The following NTPCR variants were observed in gnomAD, a reference collection of about 807,000 sequenced individuals.
NTPCR encodes the protein cancer-related nucleoside-triphosphatase.
Under a neutral mutation model 19.5 loss-of-function variants are expected in NTPCR, and 15 were observed. That is an observed-to-expected ratio of 0.77 (90% CI 0.51 to 1.18). NTPCR has a LOEUF of 1.18. Among genes scored for constraint, NTPCR ranks in the 50% most tolerant of loss-of-function variants. NTPCR has a pLI of 0.00. For synonymous variants in NTPCR, 90 were observed against 95.8 expected (o/e 0.94, Z 0.36); for missense variants, 206 against 240.4 (o/e 0.86, Z 0.95).
Position 232,982,869 on chromosome 1 carries a change from G to A in NTPCR, c.*4638G>A, listed in dbSNP as rs1669319619. 1 of 152,194 alleles carries A rather than the reference G, an allele frequency of 6.6e-6. No individual in the cohort carries two copies. The highest frequency in any genetic ancestry group is 1.5e-5 in the Non-Finnish European group (1 of 68,036). 9.4% of individuals were successfully genotyped at this position (152,194 alleles called of 1,614,324 possible). A position where few individuals can be genotyped will look rare whatever the true frequency, so the allele number is the denominator to read the frequency against. ...GCTTGGCTGTAAAGTTGCCCAAGAG[G>A]ATTACAGGAGCTGCCAGCCAAGTTT... On this transcript the variant is annotated 3_prime_UTR_variant, in exon 5 of 5. Transcript: ENST00000366628.
At chr1:232,971,208 C>G (rs1668966241) in intron 4 of NTPCR, among the ~76,000 whole-genome samples, 1 of 152,154 alleles carries the variant, frequency 6.6e-6, no homozygotes, top group Non-Finnish European at 1.5e-5. Context: ...TAGCTGTGCT[C>G]TTGGCTGAGC....
chr1:232,962,850 C>A (rs1280073796), intron 3 of NTPCR: 1 of 152,190 alleles, frequency 6.6e-6, no homozygotes, highest in Non-Finnish European at 1.5e-5. Context: ...TTTGGAAAAT[C>A]TTAGAAACTT....
intron 4 of NTPCR, among the ~76,000 whole-genome samples, chr1:232,975,079 A>G (rs1253191797): frequency 6.6e-6 from 1 of 152,232 alleles, no homozygotes; most frequent in Non-Finnish European, 1.5e-5. Flanking sequence ...CATAACATTG[A>G]AAATGTTATC....
In NTPCR at chr1:232,983,072, A is replaced by G. The variant is rs1669323089; in HGVS notation, c.*4841A>G. 2 of 150,486 alleles carry G rather than the reference A, an allele frequency of 1.3e-5. No homozygotes were observed. Among genetic ancestry groups the G allele is most frequent in the Admixed American group, 1.3e-4 (2 of 15,026 alleles). 9.3% of individuals were successfully genotyped at this position (150,486 alleles called of 1,614,324 possible). A position where few individuals can be genotyped will look rare whatever the true frequency, so the allele number is the denominator to read the frequency against. On this transcript the variant is annotated 3_prime_UTR_variant, in exon 5 of 5. Transcript: ENST00000366628. The stretch of plus-strand genomic sequence containing the variant: ...ATTAATTGCTGATTCTTAGTTTACA[A>G]AAAAAAAAATTAGAAAAGCATTACC...
Position 232,953,693 on chromosome 1 carries a change from C to G in NTPCR, c.35-1864C>G, listed in dbSNP as rs1186072112. Among the ~76,000 whole-genome samples, 4 of 151,730 alleles carry G rather than the reference C, an allele frequency of 2.6e-5. No individual in the cohort carries two copies. The South Asian group carries it at 6.2e-4, about 24-fold the overall frequency. ...GAAATCAACATTGTAAATCTTTGTT[C>G]TGTATTCTTCTTGACATTTTTTTTT... On this transcript the variant is annotated intron_variant, in intron 1 of 4. Transcript: ENST00000366628.
intron 4 of NTPCR, chr1:232,976,658 C>A: frequency 7.5e-7 from 1 of 1,330,764 alleles, no homozygotes; most frequent in Non-Finnish European, 9.9e-7. Flanking sequence ...CACAGCCGCC[C>A]AGGATTGACG....
At chr1:232,975,767 A>G (rs1287104522) in intron 4 of NTPCR, among the ~76,000 whole-genome samples, 4 of 152,204 alleles carry the variant, frequency 2.6e-5, no homozygotes, top group Non-Finnish European at 5.9e-5. Flanking sequence ...CCAGTGCAGA[A>G]AAAAAGAATG....
chr1:232,983,621 G>A lies in NTPCR; in HGVS notation c.*5390G>A, dbSNP rs1371660835. 1 of 152,126 alleles carries A rather than the reference G, an allele frequency of 6.6e-6. No individual in the cohort carries two copies. The highest frequency in any genetic ancestry group is 6.5e-5 in the Admixed American group (1 of 15,270). 9.4% of individuals were successfully genotyped at this position (152,126 alleles called of 1,614,324 possible). On this transcript the variant is annotated 3_prime_UTR_variant, in exon 5 of 5. Coordinates refer to ENST00000366628, the MANE Select transcript of NTPCR (RefSeq NM_032324.3). Reference sequence around the variant, plus strand: ...CGCGGTGGATTTCCATGCACCGAATGGACTCAGTTTCTAAACTCACATCCT... The same window carrying A: ...CGCGGTGGATTTCCATGCACCGAATAGACTCAGTTTCTAAACTCACATCCT...
At chr1:232,960,830 T>C (rs904593484) in intron 3 of NTPCR, among the ~76,000 whole-genome samples, 1 of 152,178 alleles carries the variant, frequency 6.6e-6, no homozygotes, top group Non-Finnish European at 1.5e-5. Context: ...ACATTTGTTA[T>C]TTTCCTGAGT....
At position 232,955,530 on chromosome 1, in the gene NTPCR, C is replaced by CTT. The variant is rs55951151; in HGVS notation, c.35-9_35-8dup. 8,235 of 1,347,220 alleles carry CTT rather than the reference C, an allele frequency of 6.1e-3. 23 individuals carry two copies. Among genetic ancestry groups the CTT allele is most frequent in the African/African-American group, 0.015 (924 of 60,822 alleles). The allele number at this position is 1,347,220 out of a possible 1,614,324, so 83.5% of individuals were successfully genotyped here. ...GAATGTTTCCTAATGGGCTTTTCTTCTTTTTTTTTTTTTTTTTTTATTTTA... is the reference window on the plus strand; with the variant it reads ...GAATGTTTCCTAATGGGCTTTTCTTCTTTTTTTTTTTTTTTTTTTTTATTTTA... On this transcript the variant is annotated intron_variant, in intron 1 of 4. Transcript: ENST00000366628.
intron 1 of NTPCR, chr1:232,951,195 T>C (rs1425583695): frequency 6.4e-6 from 1 of 155,136 alleles, no homozygotes; most frequent in African/African-American, 2.4e-5. Context: ...TAAATTTTAG[T>C]TGGAGGACAG....
chr1:232,960,826 G>C (rs1434296717), intron 3 of NTPCR, among the ~76,000 whole-genome samples: 1 of 151,978 alleles, frequency 6.6e-6, no homozygotes, highest in Non-Finnish European at 1.5e-5. Context: ...GTCAACATTT[G>C]TTATTTTCCT....
chr1:232,974,076 G>T (rs1055370252), intron 4 of NTPCR, among the ~76,000 whole-genome samples: 2 of 152,174 alleles, frequency 1.3e-5, no homozygotes, highest in African/African-American at 4.8e-5. Flanking sequence ...ACCCCAAGAG[G>T]ATAAACTCAA....
At chr1:232,976,484 C>A (rs1232588512) in intron 4 of NTPCR, 1 of 1,546,036 alleles carries the variant, frequency 6.5e-7, no homozygotes, top group Non-Finnish European at 8.7e-7. Flanking sequence ...GTGGTGCCCA[C>A]CTCTGTGTCG....
intron 4 of NTPCR, 116 bp from the exon 5 acceptor site, chr1:232,978,047 A>C (rs903394907): frequency 1.8e-5 from 14 of 793,210 alleles, no homozygotes; most frequent in Non-Finnish European, 2.4e-5. Context: ...CCTGGGTAAC[A>C]AAACATACCT....
intron 4 of NTPCR, chr1:232,976,298 C>A: frequency 6.9e-7 from 1 of 1,439,286 alleles, no homozygotes; most frequent in Non-Finnish European, 9.1e-7. Context: ...ATCTTCTCTT[C>A]TAGCTATCTT....
intron 3 of NTPCR, chr1:232,963,748 G>A (rs1328031651): frequency 6.6e-6 from 1 of 151,936 alleles, no homozygotes; most frequent in Non-Finnish European, 1.5e-5. Flanking sequence ...AGTTATAAGT[G>A]TAAGAATAGT....
intron 4 of NTPCR, 135 bp from the exon 5 acceptor site, chr1:232,978,028 G>C (rs1037808116): frequency 3.1e-6 from 2 of 643,966 alleles, no homozygotes; most frequent in African/African-American, 1.8e-5. Flanking sequence ...TGAAGAGCTG[G>C]GCCTCCTGCC....
At chr1:232,954,467 C>T (rs1328138099) in intron 1 of NTPCR, among the ~76,000 whole-genome samples, 1 of 152,330 alleles carries the variant, frequency 6.6e-6, no homozygotes, top group African/African-American at 2.4e-5. Flanking sequence ...TAGGAGTTTT[C>T]TCTCTCTTTC....
Sources: gnomAD v4.1 joint callset for allele counts (sites outside exome capture counted in the v4.1 genomes callset) on GRCh38, gnomAD v4.1.1 for gene constraint, MANE v1.5 for transcripts, NCBI Gene and HGNC (gene_info 2026-07-23, HGNC 2026-07-21) for gene names.